The following MAP3K15 variants were observed in gnomAD, a reference collection of about 807,000 sequenced individuals.
The protein encoded by MAP3K15 is mitogen-activated protein kinase kinase kinase 15, also known as MAPK/ERK kinase kinase 15.
A neutral mutation model predicts 99.5 loss-of-function variants in MAP3K15; 124 were observed. That is an observed-to-expected ratio of 1.25 (90% confidence interval 1.08 to 1.45). The LOEUF is 1.45. Among genes scored for constraint, MAP3K15 ranks in the 40% most tolerant of loss-of-function variants. The probability of loss-of-function intolerance (pLI) is 0.00; values close to 1 mark genes in which losing one functional copy is unlikely to be tolerated. For synonymous variants in MAP3K15, 494 were observed against 439.6 expected, an observed-to-expected ratio of 1.12 and a Z score of -1.55; for missense variants, 1,242 against 1,079.7, an observed-to-expected ratio of 1.15 and a Z score of -2.11.
At chrX:19,447,009 G>A (rs1178384854) in intron 6 of MAP3K15, among the ~76,000 whole-genome samples, 1 of 111,034 alleles carries the variant, frequency 9.0e-6, no homozygotes, top group Non-Finnish European at 1.9e-5. Context: ...TTGACCTCCT[G>A]GGCTCATGCG....
intron 15 of MAP3K15, among the ~76,000 whole-genome samples, chrX:19,397,563 C>A (rs913480559): frequency 2.7e-5 from 3 of 111,171 alleles, no homozygotes; most frequent in African/African-American, 9.8e-5. Flanking sequence ...TGCAGTGAGC[C>A]GAGATCTGCC....
chrX:19,464,744 G>A (rs761696457), intron 3 of MAP3K15, among the ~76,000 whole-genome samples: 28 of 111,697 alleles, frequency 2.5e-4, no homozygotes, highest in African/African-American at 8.8e-4. Flanking sequence ...CTCCTGATAA[G>A]CAAGGATTGC....
At chrX:19,487,974 C>T (rs189306568) in intron 2 of MAP3K15, among the ~76,000 whole-genome samples, 3 of 111,031 alleles carry the variant, frequency 2.7e-5, no homozygotes, top group Non-Finnish European at 5.7e-5. Flanking sequence ...CCCCCATCCC[C>T]GAGACTGTGA....
Position 19,360,681 on chromosome X carries a change from C to G in MAP3K15, c.*68G>C. 3 of 840,112 alleles carry G rather than the reference C, an allele frequency of 3.6e-6. No individual in the cohort carries two copies. Among genetic ancestry groups the G allele is most frequent in the Non-Finnish European group, 5.3e-6 (3 of 565,948 alleles). The allele number at this position is 840,112 out of a possible 1,213,427, so 69.2% of individuals were successfully genotyped here. ...GTAAACACAGCGGAATTCGTGTATA[C>G]ACTAACAGAAGCTTTAACAAAACAT... On this transcript the variant is annotated 3_prime_UTR_variant, in exon 29 of 29. Transcript: ENST00000338883.
At position 19,465,488 on chromosome X, in the gene MAP3K15, G is replaced by A. The variant is rs562443354; in HGVS notation, c.526-1082C>T. Among the ~76,000 whole-genome samples, 14 of 108,863 alleles carry A rather than the reference G, an allele frequency of 1.3e-4. No homozygotes were observed. The South Asian group carries it at 4.2e-3, about 33-fold the overall frequency. The allele number at this position is 108,863 out of a possible 115,157, so 94.5% of individuals were successfully genotyped here. A position where few individuals can be genotyped will look rare whatever the true frequency, so the allele number is the denominator to read the frequency against. On this transcript the variant is annotated intron_variant, in intron 3 of 28. Transcript: ENST00000338883. ...TGGCCAGGCGCGGTGGCTCACGCCT[G>A]TAATCCCAGCACTTTGGAAGGCAGA...
intron 7 of MAP3K15, among the ~76,000 whole-genome samples, chrX:19,430,072 C>T (rs986815413): frequency 9.8e-5 from 11 of 112,094 alleles, no homozygotes; most frequent in African/African-American, 2.9e-4. Flanking sequence ...TTCCTCCCAT[C>T]GCAATATGCA....
chrX:19,497,334 G>A (rs2064412810), intron 1 of MAP3K15: 1 of 109,265 alleles, frequency 9.2e-6, no homozygotes, highest in African/African-American at 3.3e-5. Context: ...GCTAATTTTT[G>A]TATTTTTAGT....
At chrX:19,467,037 A>G (rs1569234579) in intron 3 of MAP3K15, among the ~76,000 whole-genome samples, 1 of 111,252 alleles carries the variant, frequency 9.0e-6, no homozygotes, top group East Asian at 2.8e-4. Context: ...TTGTTAGTGT[A>G]TTTTACATGT....
At chrX:19,391,683 AAAAAAAAAAAAAAGAAAGAAAAAAAG>A (rs1385624959) in intron 18 of MAP3K15, among the ~76,000 whole-genome samples, 1 of 107,841 alleles carries the variant, frequency 9.3e-6, no homozygotes, top group Non-Finnish European at 1.9e-5. Flanking sequence ...TCAAAAAAAA[AAAAAAAAAAAAAAGAAAGAAAAAAAG>A]AAAAAAAAGA....
intron 20 of MAP3K15, among the ~76,000 whole-genome samples, chrX:19,374,064 C>T (rs2063400315): frequency 9.0e-6 from 1 of 111,599 alleles, no homozygotes; most frequent in Non-Finnish European, 1.9e-5. Flanking sequence ...ATCAGGCAAA[C>T]CTCCCTGACA....
At chrX:19,361,779 A>G (rs2063291280) in intron 26 of MAP3K15, 186 bp from the exon 27 acceptor site, 2 of 366,442 alleles carry the variant, frequency 5.5e-6, no homozygotes, top group East Asian at 9.1e-5. Context: ...CTTTCTAGAA[A>G]GCCTCCTCAT....
At chrX:19,366,006 CAAAAAAA>C (rs1172350617) in intron 25 of MAP3K15, among the ~76,000 whole-genome samples, 3 of 20,118 alleles carry the variant, frequency 1.5e-4, no homozygotes, top group African/African-American at 3.1e-4. Flanking sequence ...GCCTCCATCT[CAAAAAAA>C]AAAAAAAAAA....
intron 1 of MAP3K15, chrX:19,496,534 C>G (rs1002997025): frequency 9.0e-6 from 1 of 111,432 alleles, no homozygotes; most frequent in Non-Finnish European, 1.9e-5. Context: ...TTCAAAAGGT[C>G]TGTGTCACAC....
intron 1 of MAP3K15, among the ~76,000 whole-genome samples, chrX:19,490,184 CATACAT>C (rs2064359289): frequency 2.9e-5 from 3 of 103,566 alleles, no homozygotes; most frequent in African/African-American, 1.1e-4. Context: ...CACACACACA[CATACAT>C]ACAAAAATTC....
intron 18 of MAP3K15, among the ~76,000 whole-genome samples, chrX:19,391,757 A>C: frequency 9.1e-6 from 1 of 110,457 alleles, no homozygotes; most frequent in South Asian, 3.9e-4. Flanking sequence ...CACTCCATCT[A>C]CCCAACTTTT....
chrX:19,395,272 C>A (rs1196524147), intron 15 of MAP3K15, 64 bp from the exon 16 acceptor site: 1 of 1,108,662 alleles, frequency 9.0e-7, no homozygotes, highest in Non-Finnish European at 1.2e-6. Context: ...CCACATCTCA[C>A]CTCACCAGGA....
intron 3 of MAP3K15, among the ~76,000 whole-genome samples, chrX:19,465,194 TA>T (rs2147364487): frequency 9.0e-6 from 1 of 111,351 alleles, no homozygotes; most frequent in East Asian, 2.8e-4. Flanking sequence ...ATATCTGGCC[TA>T]AATTTCGTAT....
At position 19,369,213 on chromosome X, in the gene MAP3K15, C is replaced by T. The variant is rs377027094; in HGVS notation, c.3407G>A (p.Arg1136Gln). The change falls in exon 25 of 29, where the codon CGA (arginine) becomes CAA (glutamine). Residue 1136 changes from arginine (R) to glutamine (Q), a missense_variant. Coordinates refer to ENST00000338883, the MANE Select transcript of MAP3K15 (RefSeq NM_001001671.4). ...AAVTILIPEL[R>Q]AHFEPTCETE... ...CTCACAGGTAGGCTCAAAGTGGGCT[C>T]GGAGCTCTGCAAATCACACAAGACA... 21 of 1,209,227 alleles carry T rather than the reference C, an allele frequency of 1.7e-5. No homozygotes were observed. Among genetic ancestry groups the T allele is most frequent in the Middle Eastern group, 2.3e-4 (1 of 4,372 alleles).
chrX:19,479,705 G>GT (rs749357596), intron 3 of MAP3K15, among the ~76,000 whole-genome samples: 2 of 112,524 alleles, frequency 1.8e-5, no homozygotes, highest in African/African-American at 6.5e-5. Context: ...TAGCCTTGGG[G>GT]TTGGCTGTAT....
Sources: allele counts gnomAD v4.1 joint callset (sites outside exome capture counted in the v4.1 genomes callset), GRCh38; gene constraint gnomAD v4.1.1; transcripts MANE v1.5; gene names NCBI Gene and HGNC (gene_info 2026-07-23, HGNC 2026-07-21).